The following PACRG variants were observed in gnomAD, a reference collection of about 807,000 sequenced individuals.
PACRG encodes the protein parkin coregulated gene protein.
In PACRG, 29 loss-of-function variants were observed where a neutral mutation model predicts 29.7. The ratio of observed to expected loss-of-function variants is 0.98; its 90% CI spans 0.73 to 1.33. The LOEUF (loss-of-function observed/expected upper bound fraction) is 1.33, where lower values mean the gene tolerates loss of function less well. Ranked by LOEUF, PACRG falls within the 40% of genes most tolerant of loss-of-function variation. PACRG has a pLI of 0.00. For missense variants in PACRG, 279 were observed against 316.2 expected, an observed-to-expected ratio of 0.88 and a Z score of 0.89; for synonymous variants, 116 against 118.7, an observed-to-expected ratio of 0.98 and a Z score of 0.15.
intron 4 of PACRG, among the ~76,000 whole-genome samples, chr6:163,107,501 C>T (rs151119869): frequency 1.5e-3 from 224 of 152,272 alleles, no homozygotes; most frequent in African/African-American, 4.9e-3. Context: ...CTGAGTCACA[C>T]GGCGCACACT....
At chr6:162,736,547 C>T (rs979071243) in intron 1 of PACRG, among the ~76,000 whole-genome samples, 1 of 151,930 alleles carries the variant, frequency 6.6e-6, no homozygotes, top group East Asian at 1.9e-4. Flanking sequence ...TGAAGGGAAT[C>T]ATGTTTGGTG....
chr6:163,174,900 T>C lies in PACRG; in HGVS notation c.613+85492T>C, dbSNP rs141836161. ...AGCACACGTAAATAAATAGAGGGGT[T>C]TTATTTCCACCTTTGATACATGAAG... On this transcript the variant is annotated intron_variant, in intron 4 of 4. Coordinates refer to ENST00000366888, the MANE Select transcript of PACRG (RefSeq NM_001080379.2). Among the ~76,000 whole-genome samples, 98 of 152,228 alleles carry C rather than the reference T, an allele frequency of 6.4e-4. 1 individual carries two copies. The East Asian group carries it at 0.011, about 17-fold the overall frequency.
At chr6:163,077,860 G>A (rs141782337) in intron 3 of PACRG, among the ~76,000 whole-genome samples, 81 of 152,248 alleles carry the variant, frequency 5.3e-4, no homozygotes, top group Middle Eastern at 3.4e-3. Flanking sequence ...ATCAGGCCTC[G>A]CCCTGTATGA....
chr6:162,906,115 C>A lies in PACRG; in HGVS notation c.291+91834C>A, dbSNP rs369739715. On this transcript the variant is annotated intron_variant, in intron 2 of 4. Transcript: ENST00000366888. Reference sequence around the variant, plus strand: ...TCAAATTTTTTACTATTGTCTTCTTCATGGAGATGTATTAATTATTCATCT... The same window carrying A: ...TCAAATTTTTTACTATTGTCTTCTTAATGGAGATGTATTAATTATTCATCT... Among the ~76,000 whole-genome samples the A allele has an allele frequency of 9.9e-5, 15 of 152,198 alleles. No homozygotes were observed. In the South Asian group the frequency reaches 1.2e-3, roughly 13 times the overall value.
chr6:163,173,354 G>C (rs1265531316), intron 4 of PACRG, among the ~76,000 whole-genome samples: 2 of 152,180 alleles, frequency 1.3e-5, no homozygotes, highest in African/African-American at 4.8e-5. Context: ...GAAAATAACA[G>C]GGAGGTTTTG....
At position 162,916,858 on chromosome 6, in the gene PACRG, C is replaced by G. The variant is rs148559468; in HGVS notation, c.291+102577C>G. On this transcript the variant is annotated intron_variant, in intron 2 of 4. Coordinates refer to ENST00000366888, the MANE Select transcript of PACRG (RefSeq NM_001080379.2). The stretch of plus-strand genomic sequence containing the variant: ...TGATGAATGGAGCTGGCCCAGTGTC[C>G]TGTGCACAGATCTAGTGGCCACATT... 1.4e-4 allele frequency among the ~76,000 whole-genome samples: 21 copies of G among 152,186 alleles called. No homozygotes were observed. The East Asian group carries it at 3.9e-3, about 28-fold the overall frequency.
intron 2 of PACRG, among the ~76,000 whole-genome samples, chr6:162,961,023 C>G (rs1237077116): frequency 3.0e-5 from 4 of 134,902 alleles, no homozygotes; most frequent in African/African-American, 7.9e-5. Context: ...GGTAGAATAA[C>G]TTTTTGGCCA....
chr6:163,043,971 A>G (rs1352291008), intron 2 of PACRG, among the ~76,000 whole-genome samples: 2 of 152,144 alleles, frequency 1.3e-5, no homozygotes, highest in Non-Finnish European at 1.5e-5. Flanking sequence ...TAAAGACCAT[A>G]GGTAGCATGA....
intron 3 of PACRG, among the ~76,000 whole-genome samples, chr6:163,065,318 C>G (rs770368428): frequency 1.1e-4 from 17 of 152,158 alleles, no homozygotes; most frequent in Admixed American, 2.6e-4. Flanking sequence ...AAGAGCAGCC[C>G]TCTTACTTGT....
intron 2 of PACRG, among the ~76,000 whole-genome samples, chr6:162,906,123 T>C (rs1033572243): frequency 6.6e-6 from 1 of 152,224 alleles, no homozygotes; most frequent in African/African-American, 2.4e-5. Flanking sequence ...TTCATGGAGA[T>C]GTATTAATTA....
At chr6:163,148,803 T>C (rs1014632077) in intron 4 of PACRG, among the ~76,000 whole-genome samples, 2 of 151,990 alleles carry the variant, frequency 1.3e-5, no homozygotes, top group African/African-American at 4.8e-5. Context: ...TACCTTCCTC[T>C]CTCCTGAACG....
chr6:163,136,814 C>A (rs1363487206), intron 4 of PACRG, among the ~76,000 whole-genome samples: 1 of 152,200 alleles, frequency 6.6e-6, no homozygotes, highest in Non-Finnish European at 1.5e-5. Flanking sequence ...TAAATACTTT[C>A]TAAAGAGAAT....
chr6:162,973,195 T>A (rs1311423515), intron 2 of PACRG, among the ~76,000 whole-genome samples: 1 of 152,196 alleles, frequency 6.6e-6, no homozygotes, highest in African/African-American at 2.4e-5. Context: ...ACATCAGTCC[T>A]CAACTTGGCC....
intron 4 of PACRG, among the ~76,000 whole-genome samples, chr6:163,210,846 T>C (rs1442827921): frequency 1.3e-5 from 2 of 152,204 alleles, no homozygotes; most frequent in Non-Finnish European, 2.9e-5. Context: ...AATAGCTGTA[T>C]TGGGGGGAAA....
intron 1 of PACRG, among the ~76,000 whole-genome samples, chr6:162,774,734 A>G (rs1416843489): frequency 6.6e-6 from 1 of 152,120 alleles, no homozygotes; most frequent in Non-Finnish European, 1.5e-5. Context: ...GTGATTAGAA[A>G]CACATAAAAT....
intron 2 of PACRG, among the ~76,000 whole-genome samples, chr6:162,987,627 T>G (rs184858796): frequency 6.6e-6 from 1 of 152,320 alleles, no homozygotes; most frequent in East Asian, 1.9e-4. Context: ...GCCATGATTA[T>G]GAAGCTTCCT....
At chr6:162,876,708 G>A (rs1793383458) in intron 2 of PACRG, among the ~76,000 whole-genome samples, 1 of 152,164 alleles carries the variant, frequency 6.6e-6, no homozygotes, top group African/African-American at 2.4e-5. Context: ...AAGCTCTTTA[G>A]TTTAATTAAA....
intron 2 of PACRG, among the ~76,000 whole-genome samples, chr6:163,037,723 A>G (rs57432193): frequency 6.6e-6 from 1 of 152,142 alleles, no homozygotes; most frequent in Admixed American, 6.5e-5. Context: ...TACAGCACAG[A>G]CGCATGTGCA....
At chr6:162,799,670 A>G (rs1384213024) in intron 1 of PACRG, among the ~76,000 whole-genome samples, 2 of 151,834 alleles carry the variant, frequency 1.3e-5, no homozygotes, top group Non-Finnish European at 2.9e-5. Context: ...TTTATTGTAG[A>G]CAGTTCTAAG....
Sources: gnomAD v4.1 joint callset for allele counts (sites outside exome capture counted in the v4.1 genomes callset) on GRCh38, gnomAD v4.1.1 for gene constraint, MANE v1.5 for transcripts, NCBI Gene and HGNC (gene_info 2026-07-23, HGNC 2026-07-21) for gene names.